AOPEP: variants seen among roughly 807,000 people sequenced by gnomAD.
AOPEP encodes the protein aminopeptidase O.
Under a neutral mutation model 98.1 loss-of-function variants are expected in AOPEP, and 77 were observed. The ratio of observed to expected loss-of-function variants is 0.78; its 90% confidence interval spans 0.65 to 0.95. AOPEP has a LOEUF of 0.95. Ranked by LOEUF, AOPEP falls within the 40% of genes least tolerant of loss-of-function variation. The pLI, the probability that AOPEP is intolerant of heterozygous loss-of-function variation, is 0.00. For missense variants in AOPEP, 1,024 were observed against 1,024.7 expected (o/e 1.00, Z 0.01); for synonymous variants, 346 against 365.3 (o/e 0.95, Z 0.60).
At chr9:95,043,028 T>TTGCC (rs2065472729) in intron 13 of AOPEP, among the ~76,000 whole-genome samples, 4 of 151,914 alleles carry the variant, frequency 2.6e-5, no homozygotes, top group Non-Finnish European at 5.9e-5. Flanking sequence ...ATGTCAGCAC[T>TTGCC]TTGGGAGATC....
chr9:95,027,423 G>A (rs1317490392), intron 13 of AOPEP, among the ~76,000 whole-genome samples: 1 of 152,130 alleles, frequency 6.6e-6, no homozygotes, highest in Non-Finnish European at 1.5e-5. Context: ...TTGATATAAA[G>A]TATTGAGTTG....
At chr9:95,097,986 G>A in the AOPEP span, among the ~76,000 whole-genome samples, 2 of 152,138 alleles carry the variant, frequency 1.3e-5, no homozygotes, top group Non-Finnish European at 2.9e-5. Context: ...CCGAGCCCCC[G>A]GGCTGGGGGA....
chr9:94,800,729 T>A (rs779677567), intron 4 of AOPEP, 28 bp from the exon 5 acceptor site: 1 of 1,610,810 alleles, frequency 6.2e-7, no homozygotes, highest in Admixed American at 1.7e-5. Flanking sequence ...ATAAACATGT[T>A]TTACCATTTA....
chr9:95,080,790 A>ACC lies in AOPEP; in HGVS notation c.2319+10_2319+11insCC. On this transcript the variant is annotated intron_variant, in intron 15 of 16. Coordinates refer to ENST00000375315, the MANE Select transcript of AOPEP (RefSeq NM_001193329.3). The stretch of plus-strand genomic sequence containing the variant: ...CCTTCAGGAGGATCAGGTAGGTGTC[A>ACC]TCTTTCAGCAGATGGGGATTCTGTA... 6.3e-7 allele frequency: 1 copy of ACC among 1,596,750 alleles called. No individual in the cohort carries two copies. Among genetic ancestry groups the ACC allele is most frequent in the Non-Finnish European group, 8.6e-7 (1 of 1,164,070 alleles).
intron 5 of AOPEP, among the ~76,000 whole-genome samples, chr9:94,883,126 C>T (rs559932314): frequency 6.6e-6 from 1 of 152,284 alleles, no homozygotes; most frequent in South Asian, 2.1e-4. Context: ...CACAAACCTC[C>T]AGTTACAAAC....
the AOPEP span, chr9:95,114,831 C>G: frequency 1.2e-6 from 1 of 811,504 alleles, no homozygotes; most frequent in Admixed American, 1.9e-5. Context: ...GTTCACGGAA[C>G]CCAATACTGT....
the AOPEP span, chr9:95,107,248 C>G: frequency 6.2e-7 from 1 of 1,613,956 alleles, no homozygotes; most frequent in South Asian, 1.1e-5. Context: ...AGGAGGTGGC[C>G]CAGCACGGCC....
chr9:95,075,425 C>A (rs1243528367), intron 14 of AOPEP, among the ~76,000 whole-genome samples: 2 of 152,130 alleles, frequency 1.3e-5, no homozygotes, highest in Non-Finnish European at 2.9e-5. Flanking sequence ...CAAAGTCAGA[C>A]AGATTGACAA....
At chr9:94,882,715 G>T (rs1197899280) in intron 5 of AOPEP, among the ~76,000 whole-genome samples, 1 of 152,254 alleles carries the variant, frequency 6.6e-6, no homozygotes, top group Non-Finnish European at 1.5e-5. Context: ...GGCGGAAGTT[G>T]CAGTGAGCCA....
chr9:94,800,868 TG>T lies in AOPEP; in HGVS notation c.1231del (p.Ala411ProfsTer9). On this transcript the variant is annotated frameshift_variant, in exon 5 of 17. Coordinates refer to ENST00000375315, the MANE Select transcript of AOPEP (RefSeq NM_001193329.3). LOFTEE classifies it high-confidence loss of function. ...TCTTTGCCCCTGTGTGCCTCACGGG[TG>T]CCTGCCAAGAGACCCTTCTGCGGCT... ...RVFAPVCLTG[A>X]CQETLLRLIP... 6.2e-7 allele frequency: 1 copy of T among 1,614,126 alleles called. No homozygotes were observed. Among genetic ancestry groups the T allele is most frequent in the Non-Finnish European group, 8.5e-7 (1 of 1,180,022 alleles).
At chr9:94,927,067 C>T (rs2054460234) in intron 6 of AOPEP, among the ~76,000 whole-genome samples, 1 of 152,172 alleles carries the variant, frequency 6.6e-6, no homozygotes, top group Admixed American at 6.5e-5. Context: ...GACCAAGGTG[C>T]CAGCAGGGTT....
At chr9:94,873,721 G>A (rs1338332460) in intron 5 of AOPEP, among the ~76,000 whole-genome samples, 2 of 152,030 alleles carry the variant, frequency 1.3e-5, no homozygotes, top group Non-Finnish European at 2.9e-5. Flanking sequence ...TTAATATATT[G>A]ATTGAACAAA....
At chr9:95,136,068 A>G in the AOPEP span, among the ~76,000 whole-genome samples, 3 of 152,188 alleles carry the variant, frequency 2.0e-5, no homozygotes, top group Non-Finnish European at 2.9e-5. Flanking sequence ...ACTAATTATA[A>G]TCGGTTGCTT....
intron 16 of AOPEP, chr9:95,086,044 T>A (rs746151874): frequency 7.3e-7 from 1 of 1,367,510 alleles, no homozygotes; most frequent in Non-Finnish European, 9.8e-7. Context: ...TGAGCTGATA[T>A]CAGTTCTCAT....
At chr9:94,875,249 T>A (rs567768279) in intron 5 of AOPEP, among the ~76,000 whole-genome samples, 3 of 151,208 alleles carry the variant, frequency 2.0e-5, no homozygotes, top group Non-Finnish European at 4.4e-5. Context: ...TTTTAATTAC[T>A]TCACTTCCAG....
chr9:95,009,604 G>A (rs953569456), intron 13 of AOPEP, among the ~76,000 whole-genome samples: 1 of 152,156 alleles, frequency 6.6e-6, no homozygotes, highest in African/African-American at 2.4e-5. Context: ...TGGCTATTAC[G>A]TGTATTAGCG....
chr9:94,731,790 C>CTTTTTTTTTT (rs564831468), intron 1 of AOPEP, among the ~76,000 whole-genome samples: 9 of 86,290 alleles, frequency 1.0e-4, no homozygotes, highest in African/African-American at 1.6e-4. Context: ...TCTCTTTTGC[C>CTTTTTTTTTT]TTTTTTTTTT....
intron 13 of AOPEP, among the ~76,000 whole-genome samples, chr9:95,030,991 T>C (rs1587693712): frequency 6.6e-6 from 1 of 152,360 alleles, no homozygotes; most frequent in Non-Finnish European, 1.5e-5. Context: ...GAAGTATAAC[T>C]GATACTTTGC....
intron 9 of AOPEP, among the ~76,000 whole-genome samples, chr9:94,966,017 T>A (rs2059174771): frequency 6.7e-6 from 1 of 148,842 alleles, no homozygotes; most frequent in South Asian, 2.2e-4. Flanking sequence ...GTCATCAGAG[T>A]CTTGTGTAGA....
Sources: allele counts gnomAD v4.1 joint callset (sites outside exome capture counted in the v4.1 genomes callset), GRCh38; gene constraint gnomAD v4.1.1; transcripts MANE v1.5; gene names NCBI Gene and HGNC (gene_info 2026-07-23, HGNC 2026-07-21).